Variants in SH3BP2 observed in about 807,000 individuals in gnomAD.
The protein encoded by SH3BP2 is SH3 domain-binding protein 2.
SH3BP2 carries 38 observed loss-of-function variants against 56.2 expected under a neutral mutation model. That is an observed-to-expected ratio of 0.68 (90% CI 0.52 to 0.89). The LOEUF is 0.89. SH3BP2 is among the 40% of genes least tolerant of loss of function. The probability of loss-of-function intolerance (pLI) is 0.00; values close to 1 mark genes in which losing one functional copy is unlikely to be tolerated. For missense variants in SH3BP2, 748 were observed against 762.6 expected, an observed-to-expected ratio of 0.98 and a Z score of 0.23; for synonymous variants, 346 against 316.7, an observed-to-expected ratio of 1.09 and a Z score of -0.98.
chr4:2,827,503 G>T, intron 6 of SH3BP2, 103 bp from the exon 7 acceptor site: 1 of 1,302,800 alleles, frequency 7.7e-7, no homozygotes, highest in Non-Finnish European at 1.1e-6. Flanking sequence ...CTCCCAGCAG[G>T]TGCTTGCCCC....
At chr4:2,821,877 TA>T (rs1412575954) in intron 2 of SH3BP2, among the ~76,000 whole-genome samples, 5 of 152,072 alleles carry the variant, frequency 3.3e-5, no homozygotes, top group African/African-American at 7.2e-5. Context: ...TTTATTTATT[TA>T]TTTTTTTGAG....
chr4:2,829,239 T>C lies in SH3BP2; in HGVS notation c.587-254T>C, dbSNP rs1393160622. 6.6e-6 allele frequency among the ~76,000 whole-genome samples: 1 copy of C among 151,868 alleles called. No homozygotes were observed. Among genetic ancestry groups the C allele is most frequent in the African/African-American group, 2.4e-5 (1 of 41,314 alleles). ...CTGGGAACCTGATGGGCTCCTCAGGTGTCCTCTAGGCTTCAGGAAGCGTCC... is the reference window on the plus strand; with the variant it reads ...CTGGGAACCTGATGGGCTCCTCAGGCGTCCTCTAGGCTTCAGGAAGCGTCC... On this transcript the variant is annotated intron_variant, in intron 7 of 12. Transcript: ENST00000503393. The surrounding 1 kb of genome is among the most constrained non-coding windows in gnomAD (Gnocchi z 4.9).
At position 2,814,423 on chromosome 4, in the gene SH3BP2, A is replaced by C. The variant is rs556172789; in HGVS notation, c.-4-6191A>C. ...CTGAACCAATTGCAACTTTGAGAGA[A>C]GGTAGGGAGATGAGCACAGAAACAG... On this transcript the variant is annotated intron_variant, in intron 1 of 12. Transcript: ENST00000503393. Among the ~76,000 whole-genome samples the C allele has an allele frequency of 1.4e-3, 208 of 152,234 alleles. 2 individuals are homozygous for C. Among genetic ancestry groups the C allele is most frequent in the Non-Finnish European group, 2.5e-3 (169 of 67,996 alleles).
At position 2,829,675 on chromosome 4, in the gene SH3BP2, G is replaced by C. The variant is rs1487331553; in HGVS notation, c.769G>C (p.Asp257His). ...VGLAAEDSKR[D>H]PLCPRRAEPC... ...CCTGGCTGCTGAGGACTCCAAGAGG[G>C]ACCCACTGTGCCCGAGGCGGGCTGA... is the stretch of plus-strand genomic sequence containing the variant. The change falls in exon 8 of 13, where the codon GAC becomes CAC. Residue 257 changes from aspartate (D) to histidine (H), a missense_variant. Physicochemically the swap from Asp to His is moderately conservative, Grantham distance 81. Around this residue, in one of 3 missense-constraint regions of SH3BP2, gnomAD observed 635 missense variants for 615.0 expected, o/e 1.03. Transcript: ENST00000503393. This position sits in a 1 kb window ranked among gnomAD's most constrained non-coding sequence, Gnocchi z 4.9. The C allele has an allele frequency of 6.2e-7, 1 of 1,613,176 alleles. No homozygotes were observed. Among genetic ancestry groups the C allele is most frequent in the East Asian group, 2.2e-5 (1 of 44,866 alleles).
Position 2,829,834 on chromosome 4 carries a change from C to T in SH3BP2, c.928C>T (p.Pro310Ser), listed in dbSNP as rs867169595. ...SASPSPEPWT[P>S]GHGACSTSSA... ...CAGCCCCAGCCCGGAGCCCTGGACCCCTGGCCACGGGGCCTGCTCCACTTC... is the reference window on the plus strand; with the variant it reads ...CAGCCCCAGCCCGGAGCCCTGGACCTCTGGCCACGGGGCCTGCTCCACTTC... The change falls in exon 8 of 13, where the codon CCT becomes TCT. Residue 310 changes from proline (P) to serine (S), a missense_variant. Pro to Ser is a moderately conservative substitution (Grantham distance 74, BLOSUM62 -1). This residue lies in a region of SH3BP2 where 635 missense variants were observed against 615.0 expected (regional missense o/e 1.03). Transcript: ENST00000503393. The surrounding 1 kb of genome is among the most constrained non-coding windows in gnomAD (Gnocchi z 4.9). 1 of 1,613,624 alleles carries T rather than the reference C, an allele frequency of 6.2e-7. No individual in the cohort carries two copies. Among genetic ancestry groups the T allele is most frequent in the South Asian group, 1.1e-5 (1 of 91,090 alleles).
At chr4:2,802,530 G>GTA (rs1427434696) in intron 1 of SH3BP2, among the ~76,000 whole-genome samples, 6 of 70,708 alleles carry the variant, frequency 8.5e-5, no homozygotes, top group African/African-American at 4.0e-4. Context: ...ATATATATAT[G>GTA]TATGTGTGTG....
chr4:2,825,279 G>C (rs1577360450), intron 5 of SH3BP2, 83 bp downstream of exon 5: 11 of 1,165,814 alleles, frequency 9.4e-6, no homozygotes, highest in Non-Finnish European at 1.4e-5. Context: ...TCCCAGCCCC[G>C]GGCTTGGCAT....
At chr4:2,824,806 G>A (rs747863155) in intron 4 of SH3BP2, 76 bp downstream of exon 4, 2 of 1,120,200 alleles carry the variant, frequency 1.8e-6, no homozygotes, top group African/African-American at 1.5e-5. Context: ...ACCTGCCTTG[G>A]GGGCTCGCTG....
chr4:2,800,422 C>T (rs1723220496), intron 1 of SH3BP2, among the ~76,000 whole-genome samples: 1 of 152,200 alleles, frequency 6.6e-6, no homozygotes, highest in Admixed American at 6.5e-5. Context: ...CCGAGCCTGC[C>T]CCGTGGCTGC....
rs533872377 is a variant in SH3BP2 at position 2,839,408 on chromosome 4, G to T, written c.*5574G>T. 2.6e-5 allele frequency: 4 copies of T among 152,276 alleles called. No individual in the cohort carries two copies. Among genetic ancestry groups the T allele is most frequent in the South Asian group, 4.1e-4 (2 of 4,824 alleles). The allele number at this position is 152,276 out of a possible 1,614,324, so 9.4% of individuals were successfully genotyped here. A position where few individuals can be genotyped will look rare whatever the true frequency, so the allele number is the denominator to read the frequency against. ...TGCTCTCAAACTCTTGAGCTCAAGC[G>T]ATCTGCTGGCCTCAGCCTCCCAAAG... On this transcript the variant is annotated 3_prime_UTR_variant, in exon 13 of 13. Transcript: ENST00000503393.
At chr4:2,808,170 C>T (rs998146771) in intron 1 of SH3BP2, among the ~76,000 whole-genome samples, 1 of 152,184 alleles carries the variant, frequency 6.6e-6, no homozygotes, top group Non-Finnish European at 1.5e-5. Flanking sequence ...GCTGTGTTGC[C>T]CCGGTGGCTC....
rs1402503618 is a variant in SH3BP2, at chr4:2,808,792, G to A, written c.-4-11822G>A. Among the ~76,000 whole-genome samples, 149 of 103,094 alleles carry A rather than the reference G, an allele frequency of 1.4e-3. 3 individuals carry two copies. The highest frequency in any genetic ancestry group is 2.2e-3 in the Non-Finnish European group (113 of 50,984). The allele number at this position is 103,094 out of a possible 152,430, so 67.6% of individuals were successfully genotyped here. On this transcript the variant is annotated intron_variant, in intron 1 of 12. Coordinates refer to ENST00000503393, the MANE Select transcript of SH3BP2 (RefSeq NM_001122681.2). ...TGCCCACCCACCCTCCTAGGGCTCA[G>A]TGCCCACCTTCCCCCAGGCTCTGTG...
intron 1 of SH3BP2, among the ~76,000 whole-genome samples, chr4:2,799,818 G>T (rs979722400): frequency 3.9e-5 from 6 of 152,210 alleles, no homozygotes; most frequent in Non-Finnish European, 7.4e-5. Flanking sequence ...CTCCTTGAGG[G>T]GGAGCAGGAG....
chr4:2,831,651 G>A lies in SH3BP2; in HGVS notation c.1322G>A (p.Gly441Glu). The A allele has an allele frequency of 6.3e-7, 1 of 1,594,138 alleles. No homozygotes were observed. The highest frequency in any genetic ancestry group is 8.5e-7 in the Non-Finnish European group (1 of 1,169,618). Residue 441 changes from glycine (G) to glutamate (E), a missense_variant, in exon 9 of 13, where the codon GGG becomes GAG. This residue lies in a region of SH3BP2 where 635 missense variants were observed against 615.0 expected (regional missense o/e 1.03). Coordinates refer to ENST00000503393, the MANE Select transcript of SH3BP2 (RefSeq NM_001122681.2). This position sits in a 1 kb window ranked among gnomAD's most constrained non-coding sequence, Gnocchi z 4.1. The stretch of plus-strand genomic sequence containing the variant: ...CAACCCTCACAGGCTGACACTGGCG[G>A]GGACGACTCGGACGAGGACTATGAG... ...PRQPSQADTGGDDSDEDYEKV... is the reference protein window; with the variant it reads ...PRQPSQADTGEDDSDEDYEKV...
At chr4:2,832,541 T>A in intron 11 of SH3BP2, 129 bp downstream of exon 11, 1 of 772,546 alleles carries the variant, frequency 1.3e-6, no homozygotes. Flanking sequence ...CTCAGCTGAA[T>A]TCTCTTCCCA....
chr4:2,806,795 G>A (rs1406183715), intron 1 of SH3BP2, among the ~76,000 whole-genome samples: 1 of 152,222 alleles, frequency 6.6e-6, no homozygotes, highest in Admixed American at 6.5e-5. Flanking sequence ...ACCTTTCCTG[G>A]GGACAGAGAC....
At chr4:2,804,861 C>T (rs1723465804) in intron 1 of SH3BP2, among the ~76,000 whole-genome samples, 1 of 152,258 alleles carries the variant, frequency 6.6e-6, no homozygotes, top group African/African-American at 2.4e-5. Context: ...TGACACTAGC[C>T]ACGCTGGCTG....
intron 1 of SH3BP2, among the ~76,000 whole-genome samples, chr4:2,806,535 C>A (rs907471812): frequency 4.6e-5 from 7 of 152,212 alleles, no homozygotes; most frequent in Non-Finnish European, 8.8e-5. Flanking sequence ...TGGCTCCAGG[C>A]GAGCAGCAGT....
intron 5 of SH3BP2, 120 bp downstream of exon 5, chr4:2,825,316 G>C (rs1307567595): frequency 4.9e-6 from 4 of 821,234 alleles, no homozygotes; most frequent in African/African-American, 1.7e-5. Context: ...AGGTTTCCTG[G>C]AGGTGCCAGC....
Sources: allele counts gnomAD v4.1 joint callset (sites outside exome capture counted in the v4.1 genomes callset), GRCh38; gene constraint gnomAD v4.1.1; regional missense constraint gnomAD v4.1.1; non-coding constraint Gnocchi (gnomAD v3.1); transcripts MANE v1.5; gene names NCBI Gene and HGNC (gene_info 2026-07-23, HGNC 2026-07-21).